The following KHDRBS2 variants were observed in gnomAD, a reference collection of about 807,000 sequenced individuals.
KHDRBS2 encodes KH RNA binding domain containing, signal transduction associated 2.
In KHDRBS2, 26 loss-of-function variants were observed where a neutral mutation model predicts 44.3. The observed-to-expected ratio is 0.59, with a 90% CI of 0.43 to 0.81. The LOEUF (loss-of-function observed/expected upper bound fraction) is 0.81, where lower values mean the gene tolerates loss of function less well. Ranked by LOEUF, KHDRBS2 falls within the 40% of genes least tolerant of loss-of-function variation. KHDRBS2 has a pLI of 0.00. For synonymous variants in KHDRBS2, 194 were observed against 151.1 expected, an observed-to-expected ratio of 1.28 and a Z score of -2.08; for missense variants, 476 against 433.1, an observed-to-expected ratio of 1.10 and a Z score of -0.88.
rs1776987683 is a variant in KHDRBS2 at position 61,995,415 on chromosome 6, C to T, written c.337-17203G>A. 2.0e-5 allele frequency among the ~76,000 whole-genome samples: 3 copies of T among 152,116 alleles called. 1 individual carries two copies. In the South Asian group the frequency reaches 6.2e-4, roughly 31 times the overall value. ...ACGTATGATAGAAGAGGTATTGGCT[C>T]AGCTAGGCTTTGAAGAATGTCTGGG... On this transcript the variant is annotated intron_variant, in intron 3 of 8. Coordinates refer to ENST00000281156, the MANE Select transcript of KHDRBS2 (RefSeq NM_152688.4).
chr6:62,230,611 A>G (rs1019743019), intron 1 of KHDRBS2, among the ~76,000 whole-genome samples: 1 of 152,192 alleles, frequency 6.6e-6, no homozygotes, highest in African/African-American at 2.4e-5. Context: ...AGCTCCTAGC[A>G]CTTAGAAGCA....
intron 7 of KHDRBS2, among the ~76,000 whole-genome samples, chr6:61,724,762 A>G (rs9342102): frequency 0.41 from 62,922 of 152,036 alleles, 13,379 homozygotes; most frequent in Middle Eastern, 0.51. Flanking sequence ...AGAGCTAACT[A>G]TCATAAATAT....
chr6:61,585,027 T>C, the KHDRBS2 span, among the ~76,000 whole-genome samples: 2 of 151,988 alleles, frequency 1.3e-5, no homozygotes, highest in Non-Finnish European at 2.9e-5. Context: ...ATTCTTGTAT[T>C]CCTTTCATGG....
intron 6 of KHDRBS2, among the ~76,000 whole-genome samples, chr6:61,809,226 T>TA (rs1183919458): frequency 5.3e-5 from 8 of 152,112 alleles, no homozygotes; most frequent in African/African-American, 1.9e-4. Context: ...AGAGCAGGCA[T>TA]AAAAAATCAA....
the KHDRBS2 span, among the ~76,000 whole-genome samples, chr6:61,642,704 G>T: frequency 1.3e-5 from 2 of 151,492 alleles, no homozygotes; most frequent in African/African-American, 4.8e-5. Context: ...AAAATTATAA[G>T]TTGCATTTAA....
At chr6:62,060,474 T>G (rs141748729) in intron 2 of KHDRBS2, among the ~76,000 whole-genome samples, 1 of 151,658 alleles carries the variant, frequency 6.6e-6, no homozygotes, top group Non-Finnish European at 1.5e-5. Context: ...TGAGAAAAAG[T>G]GAAATAATTC....
chr6:62,210,272 CACTT>C (rs1299944526), intron 1 of KHDRBS2, among the ~76,000 whole-genome samples: 1 of 150,186 alleles, frequency 6.7e-6, no homozygotes, highest in East Asian at 1.9e-4. Flanking sequence ...ATATTTCTGA[CACTT>C]AACACATACT....
chr6:61,957,961 A>G (rs940197819), intron 4 of KHDRBS2, among the ~76,000 whole-genome samples: 3 of 152,068 alleles, frequency 2.0e-5, no homozygotes, highest in African/African-American at 7.2e-5. Flanking sequence ...TATTTCTCAG[A>G]CTGGCCAACA....
chr6:61,547,021 C>T, the KHDRBS2 span, among the ~76,000 whole-genome samples: 1 of 151,916 alleles, frequency 6.6e-6, no homozygotes, highest in Non-Finnish European at 1.5e-5. Flanking sequence ...GGACATACAT[C>T]CACACCCACA....
chr6:61,690,667 T>TA (rs541807567), intron 8 of KHDRBS2, among the ~76,000 whole-genome samples: 141 of 152,148 alleles, frequency 9.3e-4, no homozygotes, highest in African/African-American at 3.2e-3. Context: ...GGACTTAAAA[T>TA]ATCAGGTTCT....
the KHDRBS2 span, among the ~76,000 whole-genome samples, chr6:61,640,403 C>CTAT: frequency 3.3e-5 from 5 of 152,088 alleles, no homozygotes; most frequent in African/African-American, 1.2e-4. Flanking sequence ...AAGACACTGA[C>CTAT]TATAAGAGAT....
In KHDRBS2 at chr6:61,829,255, G is replaced by A. The variant is rs531005083; in HGVS notation, c.810+65380C>T. Among the ~76,000 whole-genome samples, 8 of 152,188 alleles carry A rather than the reference G, an allele frequency of 5.3e-5. 1 individual carries two copies. In the South Asian group the frequency reaches 6.2e-4, roughly 12 times the overall value. Reference sequence around the variant, plus strand: ...CGGATCACTGCAACCTCTGCCTCCCGGGTTAAAGCAATTCTCCTGCCTCAG... The same window carrying A: ...CGGATCACTGCAACCTCTGCCTCCCAGGTTAAAGCAATTCTCCTGCCTCAG... On this transcript the variant is annotated intron_variant, in intron 6 of 8. Transcript: ENST00000281156.
At chr6:61,620,295 AG>A in the KHDRBS2 span, among the ~76,000 whole-genome samples, 1 of 152,178 alleles carries the variant, frequency 6.6e-6, no homozygotes, top group Non-Finnish European at 1.5e-5. Flanking sequence ...AATAGACTTA[AG>A]GAGCCTATTT....
intron 4 of KHDRBS2, among the ~76,000 whole-genome samples, chr6:61,905,409 C>A (rs1300020276): frequency 1.3e-5 from 2 of 151,166 alleles, no homozygotes; most frequent in Admixed American, 1.3e-4. Context: ...GCAGAAATAG[C>A]TAGACGTATA....
At position 61,698,682 on chromosome 6, in the gene KHDRBS2, C is replaced by A. The variant is rs549489572; in HGVS notation, c.894-1429G>T. On this transcript the variant is annotated intron_variant, in intron 7 of 8. Coordinates refer to ENST00000281156, the MANE Select transcript of KHDRBS2 (RefSeq NM_152688.4). ...TTATTTTGCTTACACCATTTGTCCC[C>A]CCCTTGTATTTCTCAGACCTCATGC... Among the ~76,000 whole-genome samples the A allele has an allele frequency of 4.6e-5, 7 of 152,084 alleles. No individual in the cohort carries two copies. The East Asian group carries it at 1.4e-3, about 30-fold the overall frequency.
the KHDRBS2 span, among the ~76,000 whole-genome samples, chr6:61,557,661 G>T: frequency 6.6e-6 from 1 of 152,262 alleles, no homozygotes; most frequent in South Asian, 2.1e-4. Flanking sequence ...AGTGAGTTTG[G>T]AAGTATTCTC....
intron 4 of KHDRBS2, among the ~76,000 whole-genome samples, chr6:61,947,719 T>C (rs374884806): frequency 4.6e-5 from 7 of 151,976 alleles, no homozygotes; most frequent in Admixed American, 1.3e-4. Context: ...ATGCAAGTAG[T>C]AGGAATATGC....
At chr6:61,740,621 C>T (rs1001919372) in intron 6 of KHDRBS2, among the ~76,000 whole-genome samples, 2 of 151,886 alleles carry the variant, frequency 1.3e-5, no homozygotes, top group African/African-American at 2.4e-5. Context: ...ACTCTAACAT[C>T]TGAATTACCC....
rs557464987 is a variant in KHDRBS2 at position 62,266,137 on chromosome 6, C to A, written c.91+19721G>T. ...ACTTAGGTGACTGACTTTCAACTCA[C>A]GAAGGACTCTGGCAGGTTTTATCTG... On this transcript the variant is annotated intron_variant, in intron 1 of 8. Transcript: ENST00000281156. Among the ~76,000 whole-genome samples the A allele has an allele frequency of 4.6e-5, 7 of 152,166 alleles. 1 individual carries two copies. The South Asian group carries it at 1.0e-3, about 22-fold the overall frequency.
Sources: allele counts gnomAD v4.1 joint callset (sites outside exome capture counted in the v4.1 genomes callset), GRCh38; gene constraint gnomAD v4.1.1; transcripts MANE v1.5; gene names NCBI Gene and HGNC (gene_info 2026-07-23, HGNC 2026-07-21).